The following SPCS2 variants were observed in gnomAD, a reference collection of about 807,000 sequenced individuals.
SPCS2 encodes SPase 25 kDa subunit.
SPCS2 carries 3 observed loss-of-function variants against 22.3 expected under a neutral mutation model. The observed-to-expected ratio is 0.13, with a 90% CI of 0.06 to 0.35. The LOEUF is 0.35. Among genes scored for constraint, SPCS2 ranks in the 10% least tolerant of loss-of-function variants. The pLI, the probability that SPCS2 is intolerant of heterozygous loss-of-function variation, is 1.00. For missense variants in SPCS2, 169 were observed against 280.9 expected, an observed-to-expected ratio of 0.60 and a Z score of 2.85; for synonymous variants, 67 against 97.2, an observed-to-expected ratio of 0.69 and a Z score of 1.83.
intron 1 of SPCS2, chr11:74,963,745 A>T (rs1269998720): frequency 4.7e-6 from 1 of 214,098 alleles, no homozygotes; most frequent in African/African-American, 2.4e-5. Flanking sequence ...ACTTGTGCTC[A>T]ATCCGAAAGA....
chr11:74,968,518 G>GTTTTTTTTTTT (rs60284428), intron 3 of SPCS2, among the ~76,000 whole-genome samples: 1 of 120,234 alleles, frequency 8.3e-6, no homozygotes, highest in Admixed American at 8.5e-5. Context: ...GGTTTTTTTT[G>GTTTTTTTTTTT]TTTTTTTTTT....
At position 74,978,096 on chromosome 11, in the gene SPCS2, T is replaced by C. The variant is rs371397950; in HGVS notation, c.*1053T>C. The C allele has an allele frequency of 1.3e-5, 2 of 152,192 alleles. No individual in the cohort carries two copies. Among genetic ancestry groups the C allele is most frequent in the East Asian group, 1.9e-4 (1 of 5,186 alleles). The allele number at this position is 152,192 out of a possible 1,614,324, so 9.4% of individuals were successfully genotyped here. Reference sequence around the variant, plus strand: ...AACCTGGGGAGTCCGGCTTCAGAGTTTGTGGTCCTGCAGAGACAAAACAGC... The same window carrying C: ...AACCTGGGGAGTCCGGCTTCAGAGTCTGTGGTCCTGCAGAGACAAAACAGC... On this transcript the variant is annotated 3_prime_UTR_variant, in exon 5 of 5. Transcript: ENST00000263672.
intron 3 of SPCS2, among the ~76,000 whole-genome samples, chr11:74,967,726 C>T (rs1187086893): frequency 2.0e-5 from 3 of 152,006 alleles, no homozygotes; most frequent in South Asian, 2.1e-4. Context: ...CCAGCCTGGG[C>T]GATAGAGCAA....
intron 3 of SPCS2, among the ~76,000 whole-genome samples, chr11:74,966,245 T>C (rs896917050): frequency 1.3e-5 from 2 of 152,190 alleles, no homozygotes; most frequent in Non-Finnish European, 2.9e-5. Flanking sequence ...CCCAGAACTT[T>C]TCCCGTTAGA....
chr11:74,973,440 A>C (rs748810135), intron 4 of SPCS2, among the ~76,000 whole-genome samples: 3 of 152,182 alleles, frequency 2.0e-5, no homozygotes, highest in Admixed American at 2.0e-4. Flanking sequence ...CCTGTTTTCT[A>C]TCATGCCTTA....
At chr11:74,971,236 A>C (rs1948582176) in intron 4 of SPCS2, among the ~76,000 whole-genome samples, 1 of 152,174 alleles carries the variant, frequency 6.6e-6, no homozygotes, top group African/African-American at 2.4e-5. Context: ...GTAACATTCC[A>C]TTTTGTTTAT....
chr11:74,969,463 T>C, intron 3 of SPCS2, 102 bp from the exon 4 acceptor site: 1 of 1,114,662 alleles, frequency 9.0e-7, no homozygotes, highest in South Asian at 1.5e-5. Flanking sequence ...CAAAGCTGTC[T>C]TCTTTAGGAC....
intron 1 of SPCS2, among the ~76,000 whole-genome samples, chr11:74,955,188 G>A (rs1436066424): frequency 2.6e-5 from 4 of 152,154 alleles, no homozygotes; most frequent in African/African-American, 9.7e-5. Context: ...AAAATTCAAC[G>A]TAAAGTTAAC....
intron 1 of SPCS2, among the ~76,000 whole-genome samples, chr11:74,957,235 T>C (rs1414367158): frequency 6.6e-6 from 1 of 152,144 alleles, no homozygotes. Context: ...AAAAATATTA[T>C]TTTTTTCTTT....
intron 1 of SPCS2, among the ~76,000 whole-genome samples, chr11:74,954,021 G>T (rs1392898478): frequency 6.6e-6 from 1 of 152,086 alleles, no homozygotes; most frequent in Admixed American, 6.5e-5. Context: ...ACAGATTTTT[G>T]GACCTTTTTT....
chr11:74,953,217 A>AT lies in SPCS2; in HGVS notation c.114+3833dup, dbSNP rs11344190. Among the ~76,000 whole-genome samples the AT allele has an allele frequency of 4.4e-3, 630 of 143,274 alleles. 3 individuals carry two copies. Among genetic ancestry groups the AT allele is most frequent in the African/African-American group, 8.6e-3 (341 of 39,426 alleles). The allele number at this position is 143,274 out of a possible 152,430, so 94.0% of individuals were successfully genotyped here. On this transcript the variant is annotated intron_variant, in intron 1 of 4. Coordinates refer to ENST00000263672, the MANE Select transcript of SPCS2 (RefSeq NM_014752.3). ...ATGAGAAGCTATTACCTTTAATATA[A>AT]TTTTTTTTTTTTTTTGAGACAGAGT...
chr11:74,955,233 C>T (rs955380149), intron 1 of SPCS2, among the ~76,000 whole-genome samples: 1 of 152,104 alleles, frequency 6.6e-6, no homozygotes, highest in African/African-American at 2.4e-5. Flanking sequence ...TAGGTGTATA[C>T]CCAAGAGAAC....
intron 1 of SPCS2, chr11:74,963,616 C>T (rs763283952): frequency 2.3e-6 from 1 of 440,912 alleles, no homozygotes; most frequent in South Asian, 1.6e-5. Context: ...CACTATATTG[C>T]CCAGGCTGGA....
Position 74,965,822 on chromosome 11 carries a change from C to T in SPCS2, c.258C>T (p.Thr86=), listed in dbSNP as rs1948541882. ...TTGGTCTAATTGATGGTCGCCTCAC[C>T]ATCTGTACAATCTCCTGTTTCTTTG... The part of the protein sequence containing the change: ...ENFGLIDGRL[T]ICTISCFFAI... The change falls in exon 3 of 5, where the codon ACC becomes ACT. Residue 86 remains threonine (T), a synonymous_variant. Transcript: ENST00000263672. 1.2e-6 allele frequency: 2 copies of T among 1,612,896 alleles called. No individual in the cohort carries two copies. Among genetic ancestry groups the T allele is most frequent in the Non-Finnish European group, 1.7e-6 (2 of 1,179,080 alleles).
chr11:74,968,303 A>T (rs1261892889), intron 3 of SPCS2: 1 of 151,926 alleles, frequency 6.6e-6, no homozygotes, highest in Non-Finnish European at 1.5e-5. Context: ...TGTTCATGAA[A>T]TTTATTTTTA....
chr11:74,963,173 A>G (rs1011864091), intron 1 of SPCS2, among the ~76,000 whole-genome samples: 20 of 152,256 alleles, frequency 1.3e-4, no homozygotes, highest in Non-Finnish European at 2.2e-4. Flanking sequence ...CTATCTAGCT[A>G]GAAAACCTGC....
chr11:74,965,392 AAT>A (rs1297937374), intron 2 of SPCS2, among the ~76,000 whole-genome samples: 1 of 152,082 alleles, frequency 6.6e-6, no homozygotes, highest in Non-Finnish European at 1.5e-5. Context: ...AAAAAAAAGA[AAT>A]ATAGATGTTG....
At chr11:74,952,339 T>A (rs1037106005) in intron 1 of SPCS2, among the ~76,000 whole-genome samples, 2 of 152,236 alleles carry the variant, frequency 1.3e-5, no homozygotes, top group Admixed American at 6.5e-5. Context: ...AGTTGTGTGA[T>A]ATTACTGAAT....
At chr11:74,953,472 C>T (rs1263926059) in intron 1 of SPCS2, among the ~76,000 whole-genome samples, 4 of 151,480 alleles carry the variant, frequency 2.6e-5, no homozygotes, top group Admixed American at 6.6e-5. Flanking sequence ...GGTTTACAAG[C>T]GTGCGCCACC....
Sources: allele counts gnomAD v4.1 joint callset (sites outside exome capture counted in the v4.1 genomes callset), GRCh38; gene constraint gnomAD v4.1.1; transcripts MANE v1.5; gene names NCBI Gene and HGNC (gene_info 2026-07-23, HGNC 2026-07-21).